CDKL2: variants seen among roughly 807,000 people sequenced by gnomAD.
The protein encoded by CDKL2 is cyclin dependent kinase like 2.
In CDKL2, 64 loss-of-function variants were observed where a neutral mutation model predicts 63.9. That is an observed-to-expected ratio of 1.00 (90% confidence interval 0.82 to 1.23). CDKL2 has a LOEUF of 1.23. Among genes scored for constraint, CDKL2 ranks in the 50% most tolerant of loss-of-function variants. The pLI, the probability that CDKL2 is intolerant of heterozygous loss-of-function variation, is 0.00. For missense variants in CDKL2, 656 were observed against 668.0 expected, an observed-to-expected ratio of 0.98 and a Z score of 0.20; for synonymous variants, 211 against 229.2, an observed-to-expected ratio of 0.92 and a Z score of 0.72.
At chr4:75,582,036 A>G in intron 12 of CDKL2, 138 bp from the exon 13 acceptor site, 1 of 630,382 alleles carries the variant, frequency 1.6e-6, no homozygotes, top group Non-Finnish European at 2.9e-6. Context: ...CATGGAAAAG[A>G]ATGAAGTAAG....
At chr4:75,602,256 C>G (rs1729228344) in intron 6 of CDKL2, among the ~76,000 whole-genome samples, 1 of 152,130 alleles carries the variant, frequency 6.6e-6, no homozygotes, top group Admixed American at 6.5e-5. Context: ...TCTCAGCTCA[C>G]TGAAACCTCC....
intron 12 of CDKL2, among the ~76,000 whole-genome samples, chr4:75,590,266 T>C (rs1474994955): frequency 6.6e-6 from 1 of 152,210 alleles, no homozygotes; most frequent in East Asian, 1.9e-4. Context: ...ATGACAGGAA[T>C]TTGTTCAGTT....
intron 1 of CDKL2, 93 bp from the exon 2 acceptor site, chr4:75,626,110 A>G (rs1730396478): frequency 2.6e-6 from 2 of 779,766 alleles, no homozygotes; most frequent in South Asian, 1.6e-5. Flanking sequence ...TGTTTTCCAT[A>G]TTAGTCACTG....
chr4:75,583,327 G>A (rs1408302691), intron 12 of CDKL2, among the ~76,000 whole-genome samples: 1 of 152,166 alleles, frequency 6.6e-6, no homozygotes, highest in Non-Finnish European at 1.5e-5. Context: ...TATTTATCAA[G>A]AGAAACTATT....
chr4:75,605,189 A>G (rs888085886), intron 5 of CDKL2, among the ~76,000 whole-genome samples: 6 of 152,114 alleles, frequency 3.9e-5, no homozygotes, highest in African/African-American at 1.4e-4. Flanking sequence ...CGCCATCTCT[A>G]CTAAAAATAC....
chr4:75,590,310 G>C (rs890734079), intron 12 of CDKL2, among the ~76,000 whole-genome samples: 4 of 152,210 alleles, frequency 2.6e-5, no homozygotes, highest in African/African-American at 9.6e-5. Flanking sequence ...TTGTTGGCAA[G>C]AGATAAGGCA....
At position 75,598,196 on chromosome 4, in the gene CDKL2, G is replaced by A. The variant is rs543188941; in HGVS notation, c.901C>T (p.Gln301Ter). 2.7e-6 allele frequency: 4 copies of A among 1,470,380 alleles called. No individual in the cohort carries two copies. The highest frequency in any genetic ancestry group is 1.8e-6 in the Non-Finnish European group (2 of 1,083,562). 91.1% of individuals were successfully genotyped at this position (1,470,380 alleles called of 1,614,324 possible). A position where few individuals can be genotyped will look rare whatever the true frequency, so the allele number is the denominator to read the frequency against. Residue 301 changes from glutamine (Q) to a stop codon, truncating the protein, a stop_gained, in exon 8 of 14, where the codon CAG becomes TAG. Transcript: ENST00000307465. LOFTEE classifies it high-confidence loss of function. The part of the protein sequence containing the change: ...GFAERFSQEL[Q>*]LKVQKDARNV... ...CTGGCATCTTTCTGTACTTTTAACTGTAGTTCTTGGGAAAACCTACATAAA... is the reference window on the plus strand; with the variant it reads ...CTGGCATCTTTCTGTACTTTTAACTATAGTTCTTGGGAAAACCTACATAAA...
intron 2 of CDKL2, among the ~76,000 whole-genome samples, chr4:75,616,631 C>T (rs555448883): frequency 3.4e-5 from 5 of 145,058 alleles, no homozygotes; most frequent in African/African-American, 1.0e-4. Flanking sequence ...ACCCAGGAGG[C>T]GGAAGTTGCA....
chr4:75,604,113 T>C (rs113536370), intron 5 of CDKL2, among the ~76,000 whole-genome samples, 157 bp from the exon 6 acceptor site: 1 of 152,172 alleles, frequency 6.6e-6, no homozygotes, highest in African/African-American at 2.4e-5. Flanking sequence ...GCCGTTACTG[T>C]GGTGGTATAT....
intron 3 of CDKL2, among the ~76,000 whole-genome samples, chr4:75,611,946 G>A (rs776755350): frequency 2.0e-5 from 3 of 151,246 alleles, no homozygotes; most frequent in Non-Finnish European, 4.4e-5. Flanking sequence ...GAGCCACTGT[G>A]CCTGGAGAAA....
intron 1 of CDKL2, among the ~76,000 whole-genome samples, chr4:75,629,106 A>G (rs1347288783): frequency 6.6e-6 from 1 of 152,024 alleles, no homozygotes; most frequent in Middle Eastern, 3.2e-3. Flanking sequence ...TCTCCATATA[A>G]TTCTATCCCT....
At chr4:75,581,784 C>G in intron 13 of CDKL2, 26 bp downstream of exon 13, 1 of 1,337,218 alleles carries the variant, frequency 7.5e-7, no homozygotes, top group Non-Finnish European at 1.1e-6. Context: ...GGCTGCACAG[C>G]TTTAAGTATG....
intron 10 of CDKL2, 180 bp downstream of exon 10, chr4:75,596,067 T>G (rs574008384): frequency 2.2e-5 from 9 of 415,018 alleles, no homozygotes; most frequent in African/African-American, 1.2e-4. Context: ...TCATAAAACT[T>G]AAACTTTCAG....
rs1387374738 is a variant in CDKL2, at chr4:75,578,960, T to A, written c.*242A>T. 1 of 152,614 alleles carries A rather than the reference T, an allele frequency of 6.6e-6. No homozygotes were observed. The highest frequency in any genetic ancestry group is 6.6e-5 in the Admixed American group (1 of 15,266). 9.5% of individuals were successfully genotyped at this position (152,614 alleles called of 1,614,324 possible). A position where few individuals can be genotyped will look rare whatever the true frequency, so the allele number is the denominator to read the frequency against. On this transcript the variant is annotated 3_prime_UTR_variant, in exon 14 of 14. Transcript: ENST00000307465. ...CCACTGGATATGTCTTGAAATAGCA[T>A]CGGTGGACGTGAAAGGTAATGGGAT... is the stretch of plus-strand genomic sequence containing the variant.
intron 12 of CDKL2, 97 bp from the exon 13 acceptor site, chr4:75,581,995 A>G (rs569294883): frequency 2.6e-6 from 2 of 756,074 alleles, no homozygotes; most frequent in Non-Finnish European, 4.6e-6. Context: ...TTAGATGTTT[A>G]TAATTAACTA....
At position 75,628,508 on chromosome 4, in the gene CDKL2, G is replaced by T. The variant is rs1730536734; in HGVS notation, c.-30+1534C>A. ...TTTACCAATGATTGACGAAGGTCCA[G>T]CAATCATTGGACAAAATGCTTTCGT... On this transcript the variant is annotated intron_variant, in intron 1 of 13. Coordinates refer to ENST00000307465, the MANE Select transcript of CDKL2 (RefSeq NM_001330724.2). Among the ~76,000 whole-genome samples the T allele has an allele frequency of 3.3e-5, 5 of 152,130 alleles. 1 individual carries two copies. Among genetic ancestry groups the T allele is most frequent in the Admixed American group, 3.3e-4 (5 of 15,270 alleles).
chr4:75,587,972 T>C (rs1728549115), intron 12 of CDKL2, among the ~76,000 whole-genome samples: 1 of 151,276 alleles, frequency 6.6e-6, no homozygotes, highest in African/African-American at 2.4e-5. Context: ...CCCAGCACTT[T>C]GGGAGGCCAA....
At chr4:75,613,431 T>G (rs943350804) in intron 3 of CDKL2, among the ~76,000 whole-genome samples, 4 of 152,196 alleles carry the variant, frequency 2.6e-5, no homozygotes, top group African/African-American at 9.7e-5. Context: ...AGTTTTAAAT[T>G]TTTCTACCAT....
chr4:75,613,079 C>T (rs924356659), intron 3 of CDKL2, among the ~76,000 whole-genome samples: 1 of 151,090 alleles, frequency 6.6e-6, no homozygotes, highest in Non-Finnish European at 1.5e-5. Context: ...GAGCCGAGAT[C>T]GCGCCACTGC....
Sources: gnomAD v4.1 joint callset for allele counts (sites outside exome capture counted in the v4.1 genomes callset) on GRCh38, gnomAD v4.1.1 for gene constraint, MANE v1.5 for transcripts, NCBI Gene and HGNC (gene_info 2026-07-23, HGNC 2026-07-21) for gene names.